Variants in IPO11 observed in about 807,000 individuals in gnomAD.
The protein encoded by IPO11 is importin-11.
IPO11 carries 66 observed loss-of-function variants against 143.2 expected under a neutral mutation model. The observed-to-expected ratio is 0.46, with a 90% confidence interval of 0.38 to 0.57. The LOEUF (loss-of-function observed/expected upper bound fraction) is 0.57, where lower values mean the gene tolerates loss of function less well. Among genes scored for constraint, IPO11 ranks in the 20% least tolerant of loss-of-function variants. The pLI is 0.00. For missense variants in IPO11, 1,026 were observed against 1,141.0 expected (o/e 0.90, Z 1.45); for synonymous variants, 385 against 377.8 (o/e 1.02, Z -0.22).
intron 27 of IPO11, among the ~76,000 whole-genome samples, chr5:62,569,955 CT>C (rs1447000243): frequency 6.6e-6 from 1 of 152,034 alleles, no homozygotes; most frequent in Non-Finnish European, 1.5e-5. Context: ...TTTGATGCAG[CT>C]TTTATTTTTA....
chr5:62,498,156 C>T (rs1033649100), intron 16 of IPO11, among the ~76,000 whole-genome samples: 4 of 151,980 alleles, frequency 2.6e-5, no homozygotes, highest in African/African-American at 7.2e-5. Context: ...ATACTGTTTT[C>T]ATTAGCCATT....
intron 5 of IPO11, among the ~76,000 whole-genome samples, chr5:62,457,060 A>G (rs1354786553): frequency 6.6e-6 from 1 of 152,196 alleles, no homozygotes. Context: ...AGCCTGGGCA[A>G]CAGAGCAAGA....
intron 26 of IPO11, among the ~76,000 whole-genome samples, chr5:62,552,846 T>A (rs776623431): frequency 9.3e-4 from 142 of 152,278 alleles, no homozygotes; most frequent in Non-Finnish European, 1.6e-3. Context: ...CACATAATAG[T>A]TGTAGACATT....
At chr5:62,589,219 C>T (rs187181251) in intron 27 of IPO11, among the ~76,000 whole-genome samples, 1 of 152,168 alleles carries the variant, frequency 6.6e-6, no homozygotes, top group African/African-American at 2.4e-5. Context: ...TGCACTCCCT[C>T]TAGTTATTAC....
intron 28 of IPO11, among the ~76,000 whole-genome samples, chr5:62,598,388 C>A (rs112722593): frequency 3.2e-4 from 1 of 3,170 alleles, no homozygotes; most frequent in Non-Finnish European, 5.3e-4. Context: ...TGCTTGCTTG[C>A]TTGCTTTCTT....
chr5:62,579,697 G>A (rs1466569276), intron 27 of IPO11: 3 of 1,548,330 alleles, frequency 1.9e-6, no homozygotes, highest in Non-Finnish European at 2.6e-6. Context: ...TCATTCTCTT[G>A]TAGCATTGTA....
At chr5:62,453,136 T>C (rs2112164726) in intron 5 of IPO11, among the ~76,000 whole-genome samples, 1 of 151,218 alleles carries the variant, frequency 6.6e-6, no homozygotes, top group East Asian at 1.9e-4. Flanking sequence ...CATGGTGTTT[T>C]GTAGTTTTGT....
At chr5:62,416,667 C>T (rs1743303224) in intron 1 of IPO11, among the ~76,000 whole-genome samples, 2 of 151,872 alleles carry the variant, frequency 1.3e-5, no homozygotes, top group African/African-American at 4.8e-5. Context: ...CCTTTTTCAA[C>T]TAGTACTAAC....
chr5:62,596,166 GGCT>G (rs2112435971), intron 28 of IPO11, among the ~76,000 whole-genome samples: 1 of 150,824 alleles, frequency 6.6e-6, no homozygotes, highest in South Asian at 2.1e-4. Flanking sequence ...CTGCTTGGGA[GGCT>G]GAGGTGGGAA....
intron 27 of IPO11, among the ~76,000 whole-genome samples, chr5:62,568,473 C>T (rs1744029987): frequency 6.9e-6 from 1 of 144,528 alleles, no homozygotes; most frequent in Non-Finnish European, 1.5e-5. Flanking sequence ...ACTCGGGAGG[C>T]TGAGGCTGGA....
chr5:62,449,818 CAG>C (rs1278223322), intron 3 of IPO11, 107 bp from the exon 4 acceptor site: 2 of 626,060 alleles, frequency 3.2e-6, no homozygotes, highest in Admixed American at 3.3e-5. Context: ...AAAAACCAAT[CAG>C]AGACACATGT....
intron 28 of IPO11, among the ~76,000 whole-genome samples, chr5:62,599,172 G>A (rs917636698): frequency 2.6e-5 from 4 of 152,208 alleles, no homozygotes; most frequent in African/African-American, 4.8e-5. Context: ...AGCCCTTCAA[G>A]TGGTTGAGCT....
chr5:62,440,820 G>A (rs886617634), intron 2 of IPO11, among the ~76,000 whole-genome samples: 3 of 151,918 alleles, frequency 2.0e-5, no homozygotes, highest in Admixed American at 1.3e-4. Flanking sequence ...AAAATTAGCC[G>A]GGAGTGGTGG....
At chr5:62,478,639 G>A (rs1746056364) in intron 9 of IPO11, among the ~76,000 whole-genome samples, 1 of 152,122 alleles carries the variant, frequency 6.6e-6, no homozygotes, top group African/African-American at 2.4e-5. Context: ...CTTTCCATCT[G>A]TTCCAAAGTT....
intron 3 of IPO11, among the ~76,000 whole-genome samples, chr5:62,444,576 A>G (rs1370559425): frequency 6.6e-6 from 1 of 151,864 alleles, no homozygotes; most frequent in East Asian, 1.9e-4. Context: ...AAAGGATACA[A>G]TTATAAATGC....
At position 62,490,168 on chromosome 5, in the gene IPO11, G is replaced by C; in HGVS notation, c.1411G>C (p.Asp471His). Residue 471 changes from aspartate to histidine, a missense_variant, in exon 15 of 30, where the codon GAT (aspartate) becomes CAT (histidine). Asp to His is a moderately conservative substitution (Grantham distance 81). Around this residue, in one of 5 missense-constraint regions of IPO11, gnomAD observed 237 missense variants for 288.0 expected, o/e 0.82. Coordinates refer to ENST00000325324, the MANE Select transcript of IPO11 (RefSeq NM_016338.5). Reference protein sequence around the residue: ...AYELFDSVDFDQWFKNQLLPE... With the variant: ...AYELFDSVDFHQWFKNQLLPE... ...TGAGCTCTTTGACAGTGTTGATTTT[G>C]ATCAGTGGTTTAAAAACCAGCTTCT... The C allele has an allele frequency of 6.2e-7, 1 of 1,605,460 alleles. No individual in the cohort carries two copies. The highest frequency in any genetic ancestry group is 8.5e-7 in the Non-Finnish European group (1 of 1,175,866).
rs1580370679 is a variant in IPO11, at chr5:62,598,437, T to C, written c.2679-3327T>C. On this transcript the variant is annotated intron_variant, in intron 28 of 29. Coordinates refer to ENST00000325324, the MANE Select transcript of IPO11 (RefSeq NM_016338.5). ...CTTTCTTTCTTTCTTTCTTTCTCTCTCTCTCTCTCTCTCTCTCTCTCTCTC... is the reference window on the plus strand; with the variant it reads ...CTTTCTTTCTTTCTTTCTTTCTCTCCCTCTCTCTCTCTCTCTCTCTCTCTC... Among the ~76,000 whole-genome samples, 4 of 1,714 alleles carry C rather than the reference T, an allele frequency of 2.3e-3. No homozygotes were observed. The East Asian group carries it at 0.023, about 10-fold the overall frequency. 1.1% of individuals were successfully genotyped at this position (1,714 alleles called of 152,430 possible).
chr5:62,591,515 A>G (rs1185864379), intron 27 of IPO11, 62 bp from the exon 28 acceptor site: 2 of 989,362 alleles, frequency 2.0e-6, no homozygotes, highest in Non-Finnish European at 3.0e-6. Flanking sequence ...TTTAGGAAAA[A>G]AAAAACAAAA....
chr5:62,513,193 G>C (rs1231355149), intron 19 of IPO11, among the ~76,000 whole-genome samples: 2 of 151,826 alleles, frequency 1.3e-5, no homozygotes, highest in African/African-American at 2.4e-5. Flanking sequence ...TCCCGGACCG[G>C]GTGGCTGGCC....
Sources: gnomAD v4.1 joint callset for allele counts (sites outside exome capture counted in the v4.1 genomes callset) on GRCh38, gnomAD v4.1.1 for gene constraint, gnomAD v4.1.1 regional missense constraint, MANE v1.5 for transcripts, NCBI Gene and HGNC (gene_info 2026-07-23, HGNC 2026-07-21) for gene names.